Variants in LAMP1 observed in about 807,000 individuals in gnomAD.
The protein encoded by LAMP1 is lysosome associated membrane protein 1.
In LAMP1, 7 loss-of-function variants were observed where a neutral mutation model predicts 37.5. The ratio of observed to expected loss-of-function variants is 0.19; its 90% confidence interval spans 0.11 to 0.35. LAMP1 has a LOEUF of 0.35. Among genes scored for constraint, LAMP1 ranks in the 10% least tolerant of loss-of-function variants. LAMP1 has a pLI of 1.00. For missense variants in LAMP1, 537 were observed against 552.8 expected, an observed-to-expected ratio of 0.97 and a Z score of 0.29; for synonymous variants, 236 against 229.1, an observed-to-expected ratio of 1.03 and a Z score of -0.27.
chr13:113,310,346 T>C (rs61450106), intron 3 of LAMP1, among the ~76,000 whole-genome samples: 2,133 of 151,760 alleles, frequency 0.014, 63 homozygotes, highest in African/African-American at 0.048. Context: ...ATCAACATGG[T>C]GAAACCCCCT....
At chr13:113,308,349 T>TG (rs2042611304) in intron 2 of LAMP1, among the ~76,000 whole-genome samples, 7 of 146,034 alleles carry the variant, frequency 4.8e-5, no homozygotes, top group African/African-American at 1.8e-4. Context: ...TTTTTTTTTT[T>TG]GAGGCAGAGT....
At position 113,301,637 on chromosome 13, in the gene LAMP1, AAAAAAAAATATATATAT is replaced by A. The variant is rs1325458890; in HGVS notation, c.61+4144_61+4160del. Among the ~76,000 whole-genome samples the A allele has an allele frequency of 8.8e-4, 23 of 26,146 alleles. 1 individual carries two copies. The highest frequency in any genetic ancestry group is 2.1e-3 in the African/African-American group (19 of 9,252). 17.2% of individuals were successfully genotyped at this position (26,146 alleles called of 152,430 possible). On this transcript the variant is annotated intron_variant, in intron 1 of 8. Transcript: ENST00000332556. ...GACTCTGTTTCCATTTAAAAAAAAA[AAAAAAAAATATATATAT>A]ATATATATATATATATATATATATA...
chr13:113,313,565 T>C (rs2139368626), intron 4 of LAMP1, among the ~76,000 whole-genome samples: 1 of 150,244 alleles, frequency 6.7e-6, no homozygotes. Flanking sequence ...GGAGTCAGTG[T>C]GGAGATGCCG....
At chr13:113,301,634 AAAAAAAAAAAATATATATATATATATAT>A (rs2042571990) in intron 1 of LAMP1, among the ~76,000 whole-genome samples, 5 of 20,182 alleles carry the variant, frequency 2.5e-4, no homozygotes, top group African/African-American at 8.8e-4. Flanking sequence ...ATTTAAAAAA[AAAAAAAAAAAATATATATATATATATAT>A]ATATATATAT....
At position 113,322,438 on chromosome 13, in the gene LAMP1, A is replaced by G; in HGVS notation, c.*17A>G. ...ACTATCTAGCCTGGTGCACGCAGGC[A>G]CAGCAGCTGCAGGGGCCTCTGTTCC... is the stretch of plus-strand genomic sequence containing the variant. On this transcript the variant is annotated 3_prime_UTR_variant, in exon 9 of 9. Transcript: ENST00000332556. 6.3e-7 allele frequency: 1 copy of G among 1,597,908 alleles called. No homozygotes were observed.
At chr13:113,307,638 G>T (rs1205433982) in intron 2 of LAMP1, among the ~76,000 whole-genome samples, 1 of 151,972 alleles carries the variant, frequency 6.6e-6, no homozygotes, top group Admixed American at 6.6e-5. Context: ...TATATAAATG[G>T]TTGGTTGACA....
intron 4 of LAMP1, among the ~76,000 whole-genome samples, chr13:113,312,799 A>G (rs2042637462): frequency 6.6e-6 from 1 of 152,196 alleles, no homozygotes; most frequent in South Asian, 2.1e-4. Context: ...CAGCCTGTCT[A>G]GGTGTGTTCA....
chr13:113,300,811 C>G (rs1772194308), intron 1 of LAMP1, among the ~76,000 whole-genome samples: 1 of 152,050 alleles, frequency 6.6e-6, no homozygotes, highest in Non-Finnish European at 1.5e-5. Flanking sequence ...GAGACTCCAT[C>G]TCAAAAAAAC....
intron 4 of LAMP1, among the ~76,000 whole-genome samples, chr13:113,316,657 G>A (rs911381906): frequency 7.9e-5 from 12 of 152,012 alleles, no homozygotes; most frequent in East Asian, 3.9e-4. Flanking sequence ...TCCTGACCTC[G>A]TGATCCGCCC....
In LAMP1 at chr13:113,297,572, C is replaced by T; in HGVS notation, c.61+77C>T. On this transcript the variant is annotated intron_variant, in intron 1 of 8. Transcript: ENST00000332556. The surrounding 1 kb of genome is among the most constrained non-coding windows in gnomAD (Gnocchi z 4.4). ...GTCCCTGGGTCTTGAGGGCGGGGGA[C>T]TGCCGGGTCGTTGTCCCGCGGGTCG... The T allele has an allele frequency of 2.5e-6, 3 of 1,186,518 alleles. No homozygotes were observed. Among genetic ancestry groups the T allele is most frequent in the Non-Finnish European group, 3.1e-6 (3 of 954,502 alleles). The allele number at this position is 1,186,518 out of a possible 1,614,324, so 73.5% of individuals were successfully genotyped here. A position where few individuals can be genotyped will look rare whatever the true frequency, so the allele number is the denominator to read the frequency against.
chr13:113,300,154 C>T (rs1315270766), intron 1 of LAMP1, among the ~76,000 whole-genome samples: 4 of 152,140 alleles, frequency 2.6e-5, no homozygotes, highest in Non-Finnish European at 4.4e-5. Context: ...TTACCCTTTC[C>T]ACTTGAACAA....
At chr13:113,322,245 T>C (rs1396707691) in intron 8 of LAMP1, 37 bp from the exon 9 acceptor site, 5 of 1,581,256 alleles carry the variant, frequency 3.2e-6, no homozygotes, top group Admixed American at 1.8e-5. Context: ...GGCCCCTGTG[T>C]GAGCAGAGCC....
intron 1 of LAMP1, chr13:113,305,773 G>A (rs1370760073): frequency 6.6e-6 from 1 of 152,228 alleles, no homozygotes; most frequent in East Asian, 1.9e-4. Flanking sequence ...GAAAGATCCT[G>A]CAGCCTCTCC....
intron 2 of LAMP1, among the ~76,000 whole-genome samples, chr13:113,307,653 A>G (rs1005814553): frequency 5.9e-5 from 9 of 152,146 alleles, no homozygotes; most frequent in Admixed American, 3.3e-4. Context: ...TTGACATGCA[A>G]TGCAAACACT....
At chr13:113,310,257 G>T (rs906194381) in intron 3 of LAMP1, among the ~76,000 whole-genome samples, 1 of 151,840 alleles carries the variant, frequency 6.6e-6, no homozygotes, top group African/African-American at 2.4e-5. Flanking sequence ...GCCAGGCGCG[G>T]TGGCTCACGC....
rs1249665579 is a variant in LAMP1 at position 113,309,860 on chromosome 13, A to G, written c.401A>G (p.Lys134Arg). ...CACCTTTTCCCCAATGCGAGCTCCA[A>G]AGGTAAGAACCAAAATGGGCCGATT... ...DTHLFPNASSKEIKTVESITD... is the reference protein window; with the variant it reads ...DTHLFPNASSREIKTVESITD... Residue 134 changes from lysine to arginine, a missense_variant and splice_region_variant, in exon 3 of 9, where the codon AAA (lysine) becomes AGA (arginine). Physicochemically the swap from Lys to Arg is conservative, Grantham distance 26. Transcript: ENST00000332556. The G allele has an allele frequency of 1.2e-6, 2 of 1,611,624 alleles. No homozygotes were observed. The highest frequency in any genetic ancestry group is 4.5e-5 in the East Asian group (2 of 44,886).
intron 4 of LAMP1, among the ~76,000 whole-genome samples, chr13:113,317,086 A>G (rs1408600326): frequency 6.6e-6 from 1 of 152,164 alleles, no homozygotes; most frequent in African/African-American, 2.4e-5. Flanking sequence ...TGCAGCTTGC[A>G]GGTTGATGTG....
At position 113,320,275 on chromosome 13, in the gene LAMP1, G is replaced by T; in HGVS notation, c.751-70G>T. ...TGTGGCCTTGAATTCACGGTTTCAG[G>T]ACTGTTTGTCTTTTCGAGAGTGTGG... On this transcript the variant is annotated intron_variant, in intron 5 of 8. Transcript: ENST00000332556. This position sits in a 1 kb window ranked among gnomAD's most constrained non-coding sequence, Gnocchi z 4.4. 6.3e-7 allele frequency: 1 copy of T among 1,586,206 alleles called. No individual in the cohort carries two copies. The highest frequency in any genetic ancestry group is 1.7e-4 in the Middle Eastern group (1 of 5,974).
Position 113,319,366 on chromosome 13 carries a change from CCA to C in LAMP1, c.563-102_563-101del. On this transcript the variant is annotated intron_variant, in intron 4 of 8. Transcript: ENST00000332556. ...ACTGAGAAAATAGTCACCAAGGACGCCAGAGTCCACAGATGTAGTTTTGTTTC... is the reference window on the plus strand; with the variant it reads ...ACTGAGAAAATAGTCACCAAGGACGCGAGTCCACAGATGTAGTTTTGTTTC... 6 of 1,051,598 alleles carry C rather than the reference CCA, an allele frequency of 5.7e-6. No individual in the cohort carries two copies. In the South Asian group the frequency reaches 8.2e-5, roughly 14 times the overall value. 65.1% of individuals were successfully genotyped at this position (1,051,598 alleles called of 1,614,324 possible). A position where few individuals can be genotyped will look rare whatever the true frequency, so the allele number is the denominator to read the frequency against.
Sources: allele counts gnomAD v4.1 joint callset (sites outside exome capture counted in the v4.1 genomes callset), GRCh38; gene constraint gnomAD v4.1.1; non-coding constraint Gnocchi (gnomAD v3.1); transcripts MANE v1.5; gene names NCBI Gene and HGNC (gene_info 2026-07-23, HGNC 2026-07-21).